MTMR12: variants seen among roughly 807,000 people sequenced by gnomAD.
MTMR12 encodes myotubularin-related protein 12.
Under a neutral mutation model 96.7 loss-of-function variants are expected in MTMR12, and 33 were observed. That is an observed-to-expected ratio of 0.34 (90% CI 0.26 to 0.46). The LOEUF is 0.46. Ranked by LOEUF, MTMR12 falls within the 20% of genes least tolerant of loss-of-function variation. The pLI, the probability that MTMR12 is intolerant of heterozygous loss-of-function variation, is 1.00. For synonymous variants in MTMR12, 298 were observed against 327.2 expected (o/e 0.91, Z 0.96); for missense variants, 721 against 896.1 (o/e 0.80, Z 2.49).
intron 1 of MTMR12, among the ~76,000 whole-genome samples, chr5:32,296,981 T>C (rs1304950429): frequency 6.6e-6 from 1 of 151,444 alleles, no homozygotes; most frequent in African/African-American, 2.4e-5. Flanking sequence ...CGGGCGCCTG[T>C]AGTCCCAGCT....
rs1280421095 is a variant in MTMR12, at chr5:32,228,687, T to C, written c.*1091A>G. On this transcript the variant is annotated 3_prime_UTR_variant, in exon 16 of 16. Transcript: ENST00000382142. ...GCAGATCCAAGAAGGTGACCAGGCA[T>C]AGTCAAGTTTCTTCTATGGCTTTTA... The C allele has an allele frequency of 6.7e-6, 1 of 149,628 alleles. No homozygotes were observed. Among genetic ancestry groups the C allele is most frequent in the Non-Finnish European group, 1.5e-5 (1 of 67,622 alleles). The allele number at this position is 149,628 out of a possible 1,614,324, so 9.3% of individuals were successfully genotyped here. A position where few individuals can be genotyped will look rare whatever the true frequency, so the allele number is the denominator to read the frequency against.
At chr5:32,268,130 C>G (rs574405871) in intron 6 of MTMR12, among the ~76,000 whole-genome samples, 36 of 152,058 alleles carry the variant, frequency 2.4e-4, no homozygotes, top group African/African-American at 8.7e-4. Flanking sequence ...TGTATCTGGA[C>G]CTTGATCTTA....
chr5:32,231,381 C>CAAAA (rs548654471), intron 15 of MTMR12, among the ~76,000 whole-genome samples: 3 of 47,214 alleles, frequency 6.4e-5, no homozygotes, highest in Admixed American at 2.4e-4. Context: ...CTCTGGCTCG[C>CAAAA]AAAAAAAAAA....
At chr5:32,304,219 C>T (rs2910926) in intron 1 of MTMR12, among the ~76,000 whole-genome samples, 42,863 of 151,700 alleles carry the variant, frequency 0.28, 6,275 homozygotes, top group Middle Eastern at 0.41. Context: ...ACTCGGGAGG[C>T]TGAGGCAGGA....
intron 5 of MTMR12, among the ~76,000 whole-genome samples, chr5:32,270,078 C>T (rs976522450): frequency 3.9e-5 from 6 of 152,130 alleles, no homozygotes; most frequent in African/African-American, 1.4e-4. Context: ...CATGAACAGG[C>T]CTCCTGATAG....
intron 10 of MTMR12, 106 bp from the exon 11 acceptor site, chr5:32,243,705 C>A (rs1748565637): frequency 1.5e-6 from 1 of 673,536 alleles, no homozygotes; most frequent in South Asian, 1.9e-5. Flanking sequence ...ACAGTCCTGA[C>A]TCAAACTGCA....
chr5:32,261,490 T>C (rs972179512), intron 7 of MTMR12, among the ~76,000 whole-genome samples: 2 of 152,104 alleles, frequency 1.3e-5, no homozygotes, highest in Non-Finnish European at 2.9e-5. Flanking sequence ...ATGCAAAACC[T>C]TACTTCCACC....
At chr5:32,291,317 T>C (rs746948598) in intron 1 of MTMR12, among the ~76,000 whole-genome samples, 17 of 152,170 alleles carry the variant, frequency 1.1e-4, no homozygotes, top group Non-Finnish European at 2.1e-4. Context: ...GGGCAGAACT[T>C]TGAGCAGTGC....
intron 3 of MTMR12, among the ~76,000 whole-genome samples, chr5:32,273,011 C>T (rs1288129852): frequency 2.6e-5 from 4 of 152,124 alleles, no homozygotes; most frequent in Admixed American, 2.6e-4. Flanking sequence ...ATATGGTGCT[C>T]TCCTAGTGGT....
At chr5:32,269,156 A>T (rs1749728709) in intron 5 of MTMR12, among the ~76,000 whole-genome samples, 1 of 151,650 alleles carries the variant, frequency 6.6e-6, no homozygotes, top group South Asian at 2.1e-4. Context: ...CCTCCAGAGT[A>T]GCTGGGATTA....
At chr5:32,273,848 A>T (rs1225799905) in intron 3 of MTMR12, 132 bp downstream of exon 3, 1 of 1,310,736 alleles carries the variant, frequency 7.6e-7, no homozygotes, top group Admixed American at 2.1e-5. Flanking sequence ...TGCAGTTCAT[A>T]CATTCAGGAT....
intron 11 of MTMR12, among the ~76,000 whole-genome samples, chr5:32,242,657 G>A (rs988504839): frequency 6.6e-6 from 1 of 151,436 alleles, no homozygotes; most frequent in African/African-American, 2.4e-5. Flanking sequence ...GCTTGCAGAC[G>A]TGTCCTCTCC....
At chr5:32,288,515 C>T (rs1159841633) in intron 1 of MTMR12, among the ~76,000 whole-genome samples, 5 of 152,138 alleles carry the variant, frequency 3.3e-5, no homozygotes, top group Non-Finnish European at 5.9e-5. Flanking sequence ...GAGACTGTGG[C>T]ACGTGATGAG....
In MTMR12 at chr5:32,233,927, T is replaced by C; in HGVS notation, c.1520A>G (p.Glu507Gly). The change falls in exon 15 of 16, where the codon GAA becomes GGA. Residue 507 changes from glutamate to glycine, a missense_variant. Coordinates refer to ENST00000382142, the MANE Select transcript of MTMR12 (RefSeq NM_001040446.3). The surrounding 1 kb of genome is among the most constrained non-coding windows in gnomAD (Gnocchi z 5.0). ...PHQKDTNMGREGQDTQSKPLN... is the reference protein window; with the variant it reads ...PHQKDTNMGRGGQDTQSKPLN... ...AGGCTTGCTTTGTGTATCCTGGCCT[T>C]CTCTACCCTGCCAAAACAAGCACAG... The C allele has an allele frequency of 1.2e-6, 2 of 1,614,136 alleles. No individual in the cohort carries two copies. The highest frequency in any genetic ancestry group is 1.6e-4 in the Middle Eastern group (1 of 6,062).
intron 5 of MTMR12, among the ~76,000 whole-genome samples, chr5:32,269,228 T>G (rs567904477): frequency 6.6e-6 from 1 of 152,172 alleles, no homozygotes; most frequent in African/African-American, 2.4e-5. Context: ...GGTTTCGCTA[T>G]GTTGGCCAGG....
chr5:32,270,882 G>A lies in MTMR12; in HGVS notation c.424C>T (p.His142Tyr), dbSNP rs768253146. The change falls in exon 5 of 16, where the codon CAC (histidine) becomes TAC (tyrosine). Residue 142 changes from histidine to tyrosine, a missense_variant. By Grantham distance (83) the His-to-Tyr change is moderately conservative. Coordinates refer to ENST00000382142, the MANE Select transcript of MTMR12 (RefSeq NM_001040446.3). ...LKKYPEKLIIHCKDLRVFQFC... is the reference protein window; with the variant it reads ...LKKYPEKLIIYCKDLRVFQFC... ...TGGAACACTCGAAGGTCTTTGCAGT[G>A]GATGATGAGCTTCTCAGGGTATTTC... The A allele has an allele frequency of 1.1e-5, 18 of 1,613,844 alleles. No homozygotes were observed. In the East Asian group the frequency reaches 3.6e-4, roughly 32 times the overall value.
intron 1 of MTMR12, among the ~76,000 whole-genome samples, chr5:32,281,304 T>C (rs1392949069): frequency 1.3e-5 from 2 of 151,390 alleles, no homozygotes; most frequent in Admixed American, 6.6e-5. Context: ...CTTCTACTTT[T>C]CTCCCAATCT....
chr5:32,302,444 T>TA (rs1751189673), intron 1 of MTMR12, among the ~76,000 whole-genome samples: 1 of 151,982 alleles, frequency 6.6e-6, no homozygotes, highest in African/African-American at 2.4e-5. Context: ...AGGGGCTGGG[T>TA]ACGGTGGCTC....
chr5:32,249,423 AG>A (rs1362136452), intron 8 of MTMR12, among the ~76,000 whole-genome samples: 1 of 152,176 alleles, frequency 6.6e-6, no homozygotes, highest in East Asian at 1.9e-4. Context: ...AATCCACACT[AG>A]GAAGAATGGA....
Sources: allele counts gnomAD v4.1 joint callset (sites outside exome capture counted in the v4.1 genomes callset), GRCh38; gene constraint gnomAD v4.1.1; non-coding constraint Gnocchi (gnomAD v3.1); transcripts MANE v1.5; gene names NCBI Gene and HGNC (gene_info 2026-07-23, HGNC 2026-07-21).